The following SPATA6L variants were observed in gnomAD, a reference collection of about 807,000 sequenced individuals.
SPATA6L encodes the protein spermatogenesis associated 6 like, also known as spermatogenesis associated 6-like protein.
In SPATA6L, 68 loss-of-function variants were observed where a neutral mutation model predicts 49.2. The observed-to-expected ratio is 1.38, with a 90% CI of 1.14 to 1.69. The LOEUF (loss-of-function observed/expected upper bound fraction) is 1.69. Ranked by LOEUF, SPATA6L falls within the 40% of genes most tolerant of loss-of-function variation. The pLI, the probability that SPATA6L is intolerant of heterozygous loss-of-function variation, is 0.00. For missense variants in SPATA6L, 668 were observed against 464.3 expected (o/e 1.44, Z -4.03); for synonymous variants, 198 against 165.7 (o/e 1.19, Z -1.50).
At chr9:4,656,212 G>A in intron 2 of SPATA6L, 123 bp from the exon 3 acceptor site, 1 of 707,730 alleles carries the variant, frequency 1.4e-6, no homozygotes, top group Non-Finnish European at 2.4e-6. Flanking sequence ...GCCGAGGTGG[G>A]TGTATTGCTT....
At chr9:4,648,953 C>T (rs530186733) in intron 3 of SPATA6L, among the ~76,000 whole-genome samples, 1 of 152,174 alleles carries the variant, frequency 6.6e-6, no homozygotes, top group South Asian at 2.1e-4. Context: ...TGAGTTACTT[C>T]GCTTAGAATA....
rs1337480012 is a variant in SPATA6L, at chr9:4,662,921, G to A, written c.40-885C>T. 1.2e-6 allele frequency: 2 copies of A among 1,610,408 alleles called. No individual in the cohort carries two copies. Among genetic ancestry groups the A allele is most frequent in the Admixed American group, 1.7e-5 (1 of 60,014 alleles). On this transcript the variant is annotated intron_variant, in intron 1 of 11. Coordinates refer to ENST00000682582, the MANE Select transcript of SPATA6L (RefSeq NM_001353486.2). This position sits in a 1 kb window ranked among gnomAD's most constrained non-coding sequence, Gnocchi z 4.9. ...TGTTGGACCTGCTGCTGGTGGCCTT[G>A]ATCAAAGGGCTGGTCCGCAGGCGCC... is the stretch of plus-strand genomic sequence containing the variant.
At chr9:4,652,532 T>G (rs933718439) in intron 3 of SPATA6L, among the ~76,000 whole-genome samples, 4 of 152,040 alleles carry the variant, frequency 2.6e-5, no homozygotes, top group African/African-American at 9.7e-5. Context: ...ACTTGTAAAC[T>G]GAAAATTACA....
At chr9:4,648,207 T>C (rs1029812652) in intron 3 of SPATA6L, among the ~76,000 whole-genome samples, 3 of 152,146 alleles carry the variant, frequency 2.0e-5, no homozygotes, top group Non-Finnish European at 4.4e-5. Context: ...TTTGAATTCA[T>C]AGGACAAAAC....
rs192499014 is a variant in SPATA6L, at chr9:4,624,180, C to T, written c.669+1147G>A. ...GGAGAATAAGTCATTAATTAGAACA[C>T]GAACTGGTGTTCACGTAGACTACAA... On this transcript the variant is annotated intron_variant, in intron 6 of 11. Coordinates refer to ENST00000682582, the MANE Select transcript of SPATA6L (RefSeq NM_001353486.2). 3.9e-3 allele frequency among the ~76,000 whole-genome samples: 591 copies of T among 152,152 alleles called. 1 individual carries two copies. The highest frequency in any genetic ancestry group is 6.8e-3 in the Middle Eastern group (2 of 294).
intron 3 of SPATA6L, among the ~76,000 whole-genome samples, chr9:4,636,858 A>C (rs1324936697): frequency 6.6e-6 from 1 of 152,166 alleles, no homozygotes; most frequent in South Asian, 2.1e-4. Flanking sequence ...CGCTCCAGCC[A>C]CAATGGATTG....
rs930373053 is a variant in SPATA6L, at chr9:4,656,715, C to T, written c.178-626G>A. On this transcript the variant is annotated intron_variant, in intron 2 of 11. Transcript: ENST00000682582. ...ATCTACCACATGCTAAAAATATCAT[C>T]GACTTGACCTAGCTCTACTGTTTGT... Among the ~76,000 whole-genome samples the T allele has an allele frequency of 4.6e-5, 7 of 152,234 alleles. No individual in the cohort carries two copies. The East Asian group carries it at 5.8e-4, about 13-fold the overall frequency.
At chr9:4,634,450 T>C (rs776302982) in intron 4 of SPATA6L, among the ~76,000 whole-genome samples, 85 of 152,174 alleles carry the variant, frequency 5.6e-4, no homozygotes, top group Admixed American at 4.9e-3. Context: ...TGCTTGCTGT[T>C]TGATGTATTA....
At chr9:4,650,640 C>A (rs941294066) in intron 3 of SPATA6L, among the ~76,000 whole-genome samples, 8 of 152,114 alleles carry the variant, frequency 5.3e-5, no homozygotes, top group Non-Finnish European at 4.4e-5. Flanking sequence ...GACATTACCA[C>A]TGATTTTACA....
intron 2 of SPATA6L, among the ~76,000 whole-genome samples, chr9:4,658,181 G>A (rs550215044): frequency 3.3e-5 from 5 of 152,194 alleles, no homozygotes; most frequent in Non-Finnish European, 1.5e-5. Context: ...CTCTATTTGT[G>A]GTACTTTTGT....
intron 5 of SPATA6L, 47 bp downstream of exon 5, chr9:4,629,041 GAAA>G (rs199719649): frequency 8.5e-7 from 1 of 1,175,424 alleles, no homozygotes; most frequent in Non-Finnish European, 1.2e-6. Context: ...CTTTAAATTT[GAAA>G]AAAAAAAATC....
chr9:4,613,227 C>CAA (rs910846150), intron 9 of SPATA6L, among the ~76,000 whole-genome samples: 2 of 129,756 alleles, frequency 1.5e-5, no homozygotes, highest in African/African-American at 2.9e-5. Context: ...GATTCTATCT[C>CAA]AAAAAAAAAA....
At chr9:4,603,269 A>C (rs1201953690) in intron 11 of SPATA6L, among the ~76,000 whole-genome samples, 2 of 152,108 alleles carry the variant, frequency 1.3e-5, no homozygotes, top group African/African-American at 4.8e-5. Context: ...ATCTCTACTA[A>C]AAATACAAAA....
rs1822781457 is a variant in SPATA6L at position 4,599,780 on chromosome 9, C to T, written c.*1031G>A. ...ACAACCTCATCACCTCCCAAAAGGC[C>T]CCATTTCCTTAGAGGTTAGGATTTC... On this transcript the variant is annotated 3_prime_UTR_variant, in exon 12 of 12. Transcript: ENST00000682582. Among the ~76,000 whole-genome samples, 1 of 152,150 alleles carries T rather than the reference C, an allele frequency of 6.6e-6. No homozygotes were observed. Among genetic ancestry groups the T allele is most frequent in the South Asian group, 2.1e-4 (1 of 4,830 alleles).
At chr9:4,604,100 G>T in intron 11 of SPATA6L, 79 bp downstream of exon 11, 2 of 919,372 alleles carry the variant, frequency 2.2e-6, no homozygotes, top group Non-Finnish European at 3.4e-6. Context: ...ACTTCATATT[G>T]ATAGGAGGAA....
intron 9 of SPATA6L, 115 bp from the exon 10 acceptor site, chr9:4,605,555 T>G (rs1586956134): frequency 1.5e-6 from 1 of 670,932 alleles, no homozygotes; most frequent in East Asian, 2.7e-5. Flanking sequence ...AACAGCAGCA[T>G]GCAAAATGGT....
intron 4 of SPATA6L, among the ~76,000 whole-genome samples, chr9:4,629,769 G>GTGTGTGTGTCTATA (rs1311805859): frequency 2.0e-5 from 2 of 101,936 alleles, no homozygotes; most frequent in South Asian, 6.6e-4. Context: ...GTGTGTGTGT[G>GTGTGTGTGTCTATA]TATATATATA....
intron 5 of SPATA6L, chr9:4,627,535 C>A (rs1413993450): frequency 2.9e-6 from 1 of 347,844 alleles, no homozygotes; most frequent in African/African-American, 2.2e-5. Context: ...ACAGGTTTTA[C>A]TCTACCCTGT....
intron 3 of SPATA6L, among the ~76,000 whole-genome samples, chr9:4,640,459 A>G (rs766586365): frequency 2.0e-5 from 3 of 152,214 alleles, no homozygotes; most frequent in Non-Finnish European, 4.4e-5. Flanking sequence ...ATCAAGCAAT[A>G]AATACAGCTA....
Sources: gnomAD v4.1 joint callset for allele counts (sites outside exome capture counted in the v4.1 genomes callset) on GRCh38, gnomAD v4.1.1 for gene constraint, Gnocchi (gnomAD v3.1) non-coding constraint, MANE v1.5 for transcripts, NCBI Gene and HGNC (gene_info 2026-07-23, HGNC 2026-07-21) for gene names.